The following TTC29 variants were observed in gnomAD, a reference collection of about 807,000 sequenced individuals.
TTC29 encodes the protein tetratricopeptide repeat protein 29.
A neutral mutation model predicts 58.1 loss-of-function variants in TTC29; 49 were observed. That is an observed-to-expected ratio of 0.84 (90% CI 0.67 to 1.07). TTC29 has a LOEUF of 1.07. Ranked by LOEUF, TTC29 falls within the 50% of genes least tolerant of loss-of-function variation. The pLI, the probability that TTC29 is intolerant of heterozygous loss-of-function variation, is 0.00. For missense variants in TTC29, 582 were observed against 555.6 expected, an observed-to-expected ratio of 1.05 and a Z score of -0.48; for synonymous variants, 209 against 196.8, an observed-to-expected ratio of 1.06 and a Z score of -0.52.
chr4:146,833,533 C>T (rs564014608), intron 9 of TTC29, among the ~76,000 whole-genome samples: 1 of 152,152 alleles, frequency 6.6e-6, no homozygotes, highest in Non-Finnish European at 1.5e-5. Flanking sequence ...AGATGTGACC[C>T]GATTTTTTTC....
intron 11 of TTC29, among the ~76,000 whole-genome samples, chr4:146,717,438 C>T (rs751214835): frequency 2.5e-4 from 38 of 152,018 alleles, no homozygotes; most frequent in African/African-American, 8.7e-4. Context: ...CTATCATGCC[C>T]GGCTAATTTT....
chr4:146,933,036 T>A (rs1185883243), intron 4 of TTC29, among the ~76,000 whole-genome samples: 4 of 149,078 alleles, frequency 2.7e-5, no homozygotes, highest in Admixed American at 6.7e-5. Flanking sequence ...CCAGTCTGGG[T>A]GACAGACCGA....
intron 8 of TTC29, among the ~76,000 whole-genome samples, chr4:146,853,629 C>T (rs376511383): frequency 2.0e-5 from 3 of 151,994 alleles, no homozygotes; most frequent in South Asian, 2.1e-4. Flanking sequence ...TATTACAGCT[C>T]AATATTTTCA....
At chr4:146,899,702 T>C (rs1733010711) in intron 6 of TTC29, among the ~76,000 whole-genome samples, 1 of 152,148 alleles carries the variant, frequency 6.6e-6, no homozygotes, top group Admixed American at 6.5e-5. Context: ...GGGATGAACA[T>C]GACCCTTGAC....
intron 9 of TTC29, among the ~76,000 whole-genome samples, chr4:146,822,436 T>G (rs998358146): frequency 6.6e-6 from 1 of 152,230 alleles, no homozygotes; most frequent in Non-Finnish European, 1.5e-5. Flanking sequence ...AATGGCTGCA[T>G]AGTATTCCAT....
At chr4:146,848,950 A>C (rs1040481436) in intron 8 of TTC29, among the ~76,000 whole-genome samples, 2 of 152,128 alleles carry the variant, frequency 1.3e-5, no homozygotes, top group Non-Finnish European at 2.9e-5. Flanking sequence ...ACACATCCCA[A>C]GGTGCATCCC....
intron 10 of TTC29, among the ~76,000 whole-genome samples, chr4:146,814,089 G>A (rs1579736821): frequency 1.3e-5 from 2 of 152,272 alleles, no homozygotes; most frequent in East Asian, 1.9e-4. Context: ...TTATTTATTG[G>A]TCCAAGGAAC....
chr4:146,928,527 C>A (rs536843789), intron 4 of TTC29, among the ~76,000 whole-genome samples: 1 of 152,168 alleles, frequency 6.6e-6, no homozygotes, highest in Non-Finnish European at 1.5e-5. Flanking sequence ...TGAGACTGGC[C>A]TTAATTAAAA....
chr4:146,941,401 T>C (rs1046158222), intron 2 of TTC29, among the ~76,000 whole-genome samples: 1 of 152,224 alleles, frequency 6.6e-6, no homozygotes, highest in African/African-American at 2.4e-5. Flanking sequence ...TGCCAGGCAC[T>C]GTTCTAGGTG....
chr4:146,811,773 A>G (rs1350110654), intron 10 of TTC29, among the ~76,000 whole-genome samples: 2 of 152,202 alleles, frequency 1.3e-5, no homozygotes, highest in East Asian at 3.8e-4. Flanking sequence ...GAATAAAGAA[A>G]TTTCTGGCAA....
At chr4:146,817,370 T>C (rs1751483623) in intron 10 of TTC29, among the ~76,000 whole-genome samples, 1 of 152,136 alleles carries the variant, frequency 6.6e-6, no homozygotes, top group Admixed American at 6.5e-5. Flanking sequence ...AAATCCAACT[T>C]ACAAGGGATG....
intron 11 of TTC29, among the ~76,000 whole-genome samples, chr4:146,727,824 T>G (rs1017957180): frequency 6.6e-6 from 1 of 152,232 alleles, no homozygotes; most frequent in Non-Finnish European, 1.5e-5. Context: ...GGTGTTTATG[T>G]AGACATGTTT....
chr4:146,738,884 G>T (rs1180464722), intron 11 of TTC29, among the ~76,000 whole-genome samples: 1 of 152,152 alleles, frequency 6.6e-6, no homozygotes, highest in East Asian at 1.9e-4. Context: ...GGTGGTTCCT[G>T]GTGGGTGGCA....
chr4:146,930,656 G>A (rs182032062), intron 4 of TTC29, among the ~76,000 whole-genome samples: 108 of 152,176 alleles, frequency 7.1e-4, no homozygotes, highest in African/African-American at 2.5e-3. Context: ...ACTTGAAAAG[G>A]GTCTAAATAG....
At chr4:146,944,364 T>C (rs1274739442) in intron 2 of TTC29, 2 of 152,162 alleles carry the variant, frequency 1.3e-5, no homozygotes, top group Non-Finnish European at 2.9e-5. Flanking sequence ...CAAAGACAAA[T>C]GAAAATGGAG....
intron 4 of TTC29, among the ~76,000 whole-genome samples, chr4:146,934,503 T>C (rs1346549685): frequency 6.6e-6 from 1 of 152,128 alleles, no homozygotes; most frequent in Non-Finnish European, 1.5e-5. Context: ...AGGAGGCAAT[T>C]GGATCTAAAA....
intron 11 of TTC29, among the ~76,000 whole-genome samples, chr4:146,781,623 A>G (rs547069912): frequency 1.8e-4 from 27 of 152,062 alleles, no homozygotes; most frequent in Admixed American, 1.2e-3. Flanking sequence ...TATAAAACCA[A>G]CTCACTATAT....
At chr4:146,748,383 C>T (rs1745706071) in intron 11 of TTC29, among the ~76,000 whole-genome samples, 1 of 152,156 alleles carries the variant, frequency 6.6e-6, no homozygotes. Context: ...AGTAGTTTCA[C>T]AAGACCCTGA....
chr4:146,921,509 G>T (rs965781141), intron 4 of TTC29, among the ~76,000 whole-genome samples: 2 of 150,800 alleles, frequency 1.3e-5, no homozygotes, highest in Admixed American at 6.6e-5. Flanking sequence ...CCAACAAAAA[G>T]AAAGCTTGTA....
Sources: allele counts gnomAD v4.1 joint callset (sites outside exome capture counted in the v4.1 genomes callset), GRCh38; gene constraint gnomAD v4.1.1; transcripts MANE v1.5; gene names NCBI Gene and HGNC (gene_info 2026-07-23, HGNC 2026-07-21).